The following ZMAT4 variants were observed in gnomAD, a reference collection of about 807,000 sequenced individuals.
ZMAT4 encodes zinc finger matrin-type protein 4.
ZMAT4 carries 17 observed loss-of-function variants against 28.7 expected under a neutral mutation model. That is an observed-to-expected ratio of 0.59 (90% CI 0.41 to 0.89). The LOEUF (loss-of-function observed/expected upper bound fraction) is 0.89. Among genes scored for constraint, ZMAT4 ranks in the 40% least tolerant of loss-of-function variants. The pLI is 0.00. For missense variants in ZMAT4, 240 were observed against 283.8 expected, an observed-to-expected ratio of 0.85 and a Z score of 1.11; for synonymous variants, 117 against 109.2, an observed-to-expected ratio of 1.07 and a Z score of -0.44.
At chr8:40,838,920 C>T (rs999171496) in intron 1 of ZMAT4, among the ~76,000 whole-genome samples, 3 of 152,126 alleles carry the variant, frequency 2.0e-5, no homozygotes, top group Non-Finnish European at 2.9e-5. Flanking sequence ...AACATCACAG[C>T]ACCAGAAAGG....
intron 1 of ZMAT4, among the ~76,000 whole-genome samples, chr8:40,860,905 T>C (rs1817466855): frequency 6.6e-6 from 1 of 152,036 alleles, no homozygotes; most frequent in Admixed American, 6.5e-5. Flanking sequence ...GCACCCACCA[T>C]CGGGAAGGCC....
rs531311879 is a variant in ZMAT4, at chr8:40,576,668, C to T, written c.674+4497G>A. Among the ~76,000 whole-genome samples the T allele has an allele frequency of 8.5e-5, 13 of 152,106 alleles. 1 individual carries two copies. Among genetic ancestry groups the T allele is most frequent in the Non-Finnish European group, 1.6e-4 (11 of 67,992 alleles). On this transcript the variant is annotated intron_variant, in intron 6 of 6. Coordinates refer to ENST00000297737, the MANE Select transcript of ZMAT4 (RefSeq NM_024645.3). ...CCTTACAAAAAATGTTTAAGGAAGT[C>T]CTACATCTAGAAATAAAAGAAGAAT...
At chr8:40,582,059 A>G (rs1804482863) in intron 5 of ZMAT4, among the ~76,000 whole-genome samples, 1 of 152,198 alleles carries the variant, frequency 6.6e-6, no homozygotes, top group Admixed American at 6.5e-5. Flanking sequence ...ATAGAGAGAA[A>G]AGTAAAGTTG....
At chr8:40,613,294 T>C (rs1340921533) in intron 5 of ZMAT4, among the ~76,000 whole-genome samples, 4 of 145,602 alleles carry the variant, frequency 2.7e-5, no homozygotes, top group Non-Finnish European at 4.5e-5. Flanking sequence ...GCAATCCTCC[T>C]GACTCAGTCG....
At chr8:40,785,481 T>A (rs1213329389) in intron 2 of ZMAT4, among the ~76,000 whole-genome samples, 1 of 152,228 alleles carries the variant, frequency 6.6e-6, no homozygotes, top group African/African-American at 2.4e-5. Flanking sequence ...ACCTCTGGTA[T>A]ATTAATTAGT....
intron 4 of ZMAT4, among the ~76,000 whole-genome samples, chr8:40,693,684 T>C (rs1047003696): frequency 2.0e-5 from 3 of 152,218 alleles, no homozygotes; most frequent in African/African-American, 7.2e-5. Flanking sequence ...ACTTCTGCCA[T>C]TGCAGCATAA....
intron 1 of ZMAT4, among the ~76,000 whole-genome samples, chr8:40,834,818 C>G (rs1336572321): frequency 6.6e-6 from 1 of 152,202 alleles, no homozygotes; most frequent in Non-Finnish European, 1.5e-5. Context: ...CTCCACCTAA[C>G]AGGGAGACCA....
chr8:40,731,474 GGAA>G (rs965218181), intron 3 of ZMAT4, among the ~76,000 whole-genome samples: 21 of 151,876 alleles, frequency 1.4e-4, no homozygotes, highest in Admixed American at 3.3e-4. Context: ...CAAACCTAAG[GGAA>G]GAAGAAGAAT....
chr8:40,849,260 C>T (rs1433660121), intron 1 of ZMAT4, among the ~76,000 whole-genome samples: 1 of 152,208 alleles, frequency 6.6e-6, no homozygotes, highest in Non-Finnish European at 1.5e-5. Flanking sequence ...CACACAATTG[C>T]CCTGTTTTCA....
chr8:40,767,332 T>A (rs970217359), intron 3 of ZMAT4, among the ~76,000 whole-genome samples: 5 of 152,180 alleles, frequency 3.3e-5, no homozygotes, highest in African/African-American at 9.7e-5. Context: ...TTCTTAATAC[T>A]TCATCATGTT....
rs1805350331 is a variant in ZMAT4, at chr8:40,601,606, GAAA to G, written c.578-20348_578-20346del. ...AGAAAGAAAGAAAGAAAGAAAGAAAGAAAGAAAGAAAGAAAGAAAGAAAGAAAG... is the reference window on the plus strand; with the variant it reads ...AGAAAGAAAGAAAGAAAGAAAGAAAGGAAAGAAAGAAAGAAAGAAAGAAAG... On this transcript the variant is annotated intron_variant, in intron 5 of 6. Coordinates refer to ENST00000297737, the MANE Select transcript of ZMAT4 (RefSeq NM_024645.3). 1.3e-3 allele frequency among the ~76,000 whole-genome samples: 23 copies of G among 17,980 alleles called. 1 individual carries two copies. Among genetic ancestry groups the G allele is most frequent in the Non-Finnish European group, 3.5e-3 (20 of 5,724 alleles). 11.8% of individuals were successfully genotyped at this position (17,980 alleles called of 152,430 possible).
intron 2 of ZMAT4, among the ~76,000 whole-genome samples, chr8:40,801,997 T>C (rs901319123): frequency 1.2e-4 from 19 of 152,182 alleles, no homozygotes; most frequent in Admixed American, 1.2e-3. Flanking sequence ...TATTAAAAGA[T>C]GCAGAAAAAA....
At chr8:40,847,613 A>C (rs2150632409) in intron 1 of ZMAT4, among the ~76,000 whole-genome samples, 1 of 152,306 alleles carries the variant, frequency 6.6e-6, no homozygotes, top group African/African-American at 2.4e-5. Flanking sequence ...CTGAGACCTC[A>C]TTATCATGGC....
chr8:40,652,771 A>G (rs541033775), intron 5 of ZMAT4, among the ~76,000 whole-genome samples: 5 of 133,062 alleles, frequency 3.8e-5, no homozygotes, highest in Non-Finnish European at 6.5e-5. Flanking sequence ...TGATGAGTTC[A>G]TGTCCTTTGT....
In ZMAT4 at chr8:40,807,744, C is replaced by G. The variant is rs142527749; in HGVS notation, c.102+17831G>C. Among the ~76,000 whole-genome samples, 178 of 152,320 alleles carry G rather than the reference C, an allele frequency of 1.2e-3. 4 individuals are homozygous for G. Among genetic ancestry groups the G allele is most frequent in the African/African-American group, 3.9e-3 (163 of 41,574 alleles). ...AAAAATTCTAAATGCCATAGAGGCACAGTGACTTCATTAATTTCAAAACTT... is the reference window on the plus strand; with the variant it reads ...AAAAATTCTAAATGCCATAGAGGCAGAGTGACTTCATTAATTTCAAAACTT... On this transcript the variant is annotated intron_variant, in intron 2 of 6. Coordinates refer to ENST00000297737, the MANE Select transcript of ZMAT4 (RefSeq NM_024645.3).
chr8:40,616,735 G>A (rs141925314), intron 5 of ZMAT4, among the ~76,000 whole-genome samples: 35 of 152,042 alleles, frequency 2.3e-4, no homozygotes, highest in African/African-American at 7.5e-4. Flanking sequence ...GGGGCCTGCC[G>A]TGGGTTGGGG....
At chr8:40,798,813 G>C (rs996351558) in intron 2 of ZMAT4, among the ~76,000 whole-genome samples, 2 of 152,160 alleles carry the variant, frequency 1.3e-5, no homozygotes, top group African/African-American at 4.8e-5. Context: ...ATAAAACGAT[G>C]GTTAAACCTG....
intron 3 of ZMAT4, among the ~76,000 whole-genome samples, chr8:40,700,411 CT>C (rs1353453005): frequency 3.1e-5 from 3 of 97,320 alleles, no homozygotes; most frequent in African/African-American, 1.3e-4. Flanking sequence ...TGCTGCTTTT[CT>C]TTTTTTTTTT....
intron 1 of ZMAT4, among the ~76,000 whole-genome samples, chr8:40,867,640 G>A (rs562794108): frequency 1.3e-5 from 2 of 152,230 alleles, no homozygotes; most frequent in South Asian, 4.2e-4. Flanking sequence ...ACTGGATTTG[G>A]CATTTCCTGT....
Sources: gnomAD v4.1 joint callset for allele counts (sites outside exome capture counted in the v4.1 genomes callset) on GRCh38, gnomAD v4.1.1 for gene constraint, MANE v1.5 for transcripts, NCBI Gene and HGNC (gene_info 2026-07-23, HGNC 2026-07-21) for gene names.